The following AGXT2 variants were observed in gnomAD, a reference collection of about 807,000 sequenced individuals.
AGXT2 encodes alanine--glyoxylate aminotransferase 2, mitochondrial.
In AGXT2, 61 loss-of-function variants were observed where a neutral mutation model predicts 62.5. That is an observed-to-expected ratio of 0.98 (90% CI 0.79 to 1.21). AGXT2 has a LOEUF of 1.21. AGXT2 is among the 50% of genes most tolerant of loss of function. The pLI is 0.00. For missense variants in AGXT2, 666 were observed against 641.5 expected, an observed-to-expected ratio of 1.04 and a Z score of -0.41; for synonymous variants, 243 against 218.7, an observed-to-expected ratio of 1.11 and a Z score of -0.98.
intron 12 of AGXT2, among the ~76,000 whole-genome samples, chr5:35,005,838 G>A (rs1340503098): frequency 6.6e-6 from 1 of 151,328 alleles, no homozygotes; most frequent in Non-Finnish European, 1.5e-5. Context: ...ATCTCTTTTG[G>A]TGAATCTATG....
chr5:35,038,339 T>C (rs566725491), intron 3 of AGXT2, among the ~76,000 whole-genome samples: 1 of 152,386 alleles, frequency 6.6e-6, no homozygotes, highest in African/African-American at 2.4e-5. Flanking sequence ...CAGGGAAGAC[T>C]GTCAATGTTA....
At chr5:35,004,185 A>G (rs181698041) in intron 12 of AGXT2, among the ~76,000 whole-genome samples, 2 of 152,326 alleles carry the variant, frequency 1.3e-5, no homozygotes, top group East Asian at 3.9e-4. Flanking sequence ...GTTCCTTAAT[A>G]GCTAAATTTG....
chr5:35,012,886 A>C, intron 11 of AGXT2, 68 bp downstream of exon 11: 141 of 1,229,684 alleles, frequency 1.1e-4, no homozygotes, highest in Non-Finnish European at 1.6e-4. Flanking sequence ...GAGTTCTGCT[A>C]ATGCATGTGT....
At chr5:35,012,696 G>A in intron 11 of AGXT2, 1 of 471,204 alleles carries the variant, frequency 2.1e-6, no homozygotes, top group South Asian at 2.3e-5. Flanking sequence ...AATTTCAGCT[G>A]GCTAGGAAAA....
chr5:35,009,325 G>C (rs1402727004), intron 12 of AGXT2, among the ~76,000 whole-genome samples: 5 of 152,142 alleles, frequency 3.3e-5, no homozygotes, highest in African/African-American at 1.2e-4. Context: ...GCCAGGCTTG[G>C]TGGCTCATGC....
At chr5:35,037,895 G>A (rs1047187569) in intron 3 of AGXT2, among the ~76,000 whole-genome samples, 3 of 152,202 alleles carry the variant, frequency 2.0e-5, no homozygotes, top group African/African-American at 7.2e-5. Context: ...TGTGGAACCT[G>A]ACTTGGCTTT....
chr5:35,010,208 A>G (rs1766580146), intron 11 of AGXT2, 59 bp from the exon 12 acceptor site: 2 of 1,606,574 alleles, frequency 1.2e-6, no homozygotes, highest in Admixed American at 1.7e-5. Flanking sequence ...TTGACTGAGA[A>G]TCGTGGAGAA....
intron 9 of AGXT2, among the ~76,000 whole-genome samples, chr5:35,023,981 CCTCCT>C: frequency 6.6e-6 from 1 of 152,058 alleles, no homozygotes; most frequent in South Asian, 2.1e-4. Context: ...GCAACCTCCA[CCTCCT>C]GGGTTCAAAC....
At chr5:35,005,728 G>T (rs1056915784) in intron 12 of AGXT2, among the ~76,000 whole-genome samples, 1 of 151,950 alleles carries the variant, frequency 6.6e-6, no homozygotes, top group African/African-American at 2.4e-5. Context: ...GCAGCCTGCC[G>T]AGGCCCTTGT....
At position 34,998,684 on chromosome 5, in the gene AGXT2, C is replaced by T; in HGVS notation, c.*35G>A. 2.6e-6 allele frequency: 4 copies of T among 1,568,092 alleles called. No homozygotes were observed. In the South Asian group the frequency reaches 4.4e-5, roughly 17 times the overall value. ...CACCCTTGAACATACGTGGCAAATT[C>T]TTGAGACTTGTGGTTTTATTTATTT... On this transcript the variant is annotated 3_prime_UTR_variant, in exon 14 of 14. Transcript: ENST00000231420.
At chr5:35,012,730 A>G (rs1429576066) in intron 11 of AGXT2, 1 of 547,282 alleles carries the variant, frequency 1.8e-6, no homozygotes, top group Non-Finnish European at 3.3e-6. Flanking sequence ...CATGTATGTG[A>G]GGTTTATTAT....
chr5:35,005,023 A>C (rs1766370898), intron 12 of AGXT2, among the ~76,000 whole-genome samples: 1 of 152,208 alleles, frequency 6.6e-6, no homozygotes, highest in Admixed American at 6.5e-5. Flanking sequence ...GACCTGAGGG[A>C]GAGGGAAGGA....
At position 35,012,844 on chromosome 5, in the gene AGXT2, T is replaced by C. The variant is rs538899471; in HGVS notation, c.1188+110A>G. 31 of 1,016,946 alleles carry C rather than the reference T, an allele frequency of 3.0e-5. No homozygotes were observed. The South Asian group carries it at 3.8e-4, about 13-fold the overall frequency. 63.0% of individuals were successfully genotyped at this position (1,016,946 alleles called of 1,614,324 possible). On this transcript the variant is annotated intron_variant, in intron 11 of 13. Transcript: ENST00000231420. ...CTAACTTTAATGGATAAACTATGAATTAACTCTCCCCTTTAACAACTCAGC... is the reference window on the plus strand; with the variant it reads ...CTAACTTTAATGGATAAACTATGAACTAACTCTCCCCTTTAACAACTCAGC...
intron 1 of AGXT2, among the ~76,000 whole-genome samples, chr5:35,046,148 A>T (rs371442889): frequency 2.0e-5 from 3 of 152,068 alleles, no homozygotes; most frequent in East Asian, 3.9e-4. Context: ...GTTGCTCAAG[A>T]TCTCTAGGTA....
At chr5:35,021,630 A>G (rs1767092100) in intron 9 of AGXT2, among the ~76,000 whole-genome samples, 2 of 152,050 alleles carry the variant, frequency 1.3e-5, no homozygotes, top group South Asian at 4.2e-4. Context: ...CTAGAAGAAA[A>G]CCTAGGCATT....
intron 3 of AGXT2, among the ~76,000 whole-genome samples, chr5:35,037,400 T>C (rs1371822982): frequency 6.6e-6 from 1 of 152,226 alleles, no homozygotes; most frequent in African/African-American, 2.4e-5. Flanking sequence ...TTGAAGAGTT[T>C]GGAAAAAGAG....
At chr5:35,037,916 A>G (rs887068844) in intron 3 of AGXT2, among the ~76,000 whole-genome samples, 2 of 152,152 alleles carry the variant, frequency 1.3e-5, no homozygotes, top group African/African-American at 4.8e-5. Context: ...GAAAACACAA[A>G]CCAAGTTGTC....
At position 35,010,074 on chromosome 5, in the gene AGXT2, G is replaced by T. The variant is rs553649751; in HGVS notation, c.1264C>A (p.Arg422=). ...TYMLLKFAKL[R]DEFEIVGDVR... Reference sequence around the variant, plus strand: ...TCTCCAACAATTTCAAATTCATCCCGCAGCTTAGCAAACTTTAGTAACATG... The same window carrying T: ...TCTCCAACAATTTCAAATTCATCCCTCAGCTTAGCAAACTTTAGTAACATG... Residue 422 remains arginine (R), a synonymous_variant, in exon 12 of 14, where the codon CGG becomes AGG. Transcript: ENST00000231420. 1.1e-4 allele frequency: 176 copies of T among 1,614,138 alleles called. 1 individual carries two copies. In the Admixed American group the frequency reaches 2.5e-3, roughly 23 times the overall value.
In AGXT2 at chr5:35,047,829, G is replaced by A. The variant is rs764012516; in HGVS notation, c.64C>T (p.Leu22Phe). The change falls in exon 1 of 14, where the codon CTT becomes TTT. Residue 22 changes from leucine (L) to phenylalanine (F), a missense_variant. Physicochemically the swap from Leu to Phe is conservative, Grantham distance 22. Coordinates refer to ENST00000231420, the MANE Select transcript of AGXT2 (RefSeq NM_031900.4). ...CGGCTCAGGAAAGGATGCATCTCAAGGATCCTGGGAGCGGAAGTGACCAGG... is the reference window on the plus strand; with the variant it reads ...CGGCTCAGGAAAGGATGCATCTCAAAGATCCTGGGAGCGGAAGTGACCAGG... ...LCLVTSAPRI[L>F]EMHPFLSLGT... 3.7e-6 allele frequency: 6 copies of A among 1,614,054 alleles called. No homozygotes were observed. The African/African-American group carries it at 8.0e-5, about 22-fold the overall frequency.
Sources: allele counts gnomAD v4.1 joint callset (sites outside exome capture counted in the v4.1 genomes callset), GRCh38; gene constraint gnomAD v4.1.1; transcripts MANE v1.5; gene names NCBI Gene and HGNC (gene_info 2026-07-23, HGNC 2026-07-21).